Variants in NUP205 observed in about 807,000 individuals in gnomAD.
NUP205 encodes nuclear pore complex protein Nup205.
A neutral mutation model predicts 253.8 loss-of-function variants in NUP205; 76 were observed. The observed-to-expected ratio is 0.30, with a 90% confidence interval of 0.25 to 0.36. The LOEUF is 0.36. Ranked by LOEUF, NUP205 falls within the 10% of genes least tolerant of loss-of-function variation. NUP205 has a pLI of 1.00. For missense variants in NUP205, 2,162 were observed against 2,425.5 expected (o/e 0.89, Z 2.28); for synonymous variants, 832 against 850.1 (o/e 0.98, Z 0.37).
At chr7:135,611,574 T>C (rs1179262462) in intron 22 of NUP205, among the ~76,000 whole-genome samples, 2 of 152,222 alleles carry the variant, frequency 1.3e-5, no homozygotes, top group South Asian at 4.1e-4. Flanking sequence ...ACATGAAATT[T>C]TGTGTCTTTT....
intron 34 of NUP205, among the ~76,000 whole-genome samples, chr7:135,629,529 C>CTT (rs767221141): frequency 1.6e-4 from 20 of 127,524 alleles, no homozygotes; most frequent in Admixed American, 3.2e-4. Context: ...CTCTGTCTCT[C>CTT]TTTTTTTTTT....
intron 35 of NUP205, 70 bp from the exon 36 acceptor site, chr7:135,635,511 C>G (rs1243604539): frequency 1.9e-5 from 16 of 861,756 alleles, no homozygotes; most frequent in Non-Finnish European, 2.6e-5. Context: ...AATATTAGAA[C>G]CTCTCTTCCT....
chr7:135,607,388 G>T lies in NUP205; in HGVS notation c.3195+17G>T. ...TGTTACCAGGTACACAGAAAACTGC[G>T]TTTTGTGGTACTGAATAGAAGAAAC... On this transcript the variant is annotated intron_variant, in intron 22 of 42. Transcript: ENST00000285968. 1 of 1,611,454 alleles carries T rather than the reference G, an allele frequency of 6.2e-7. No homozygotes were observed. The highest frequency in any genetic ancestry group is 1.1e-5 in the South Asian group (1 of 90,804).
intron 38 of NUP205, among the ~76,000 whole-genome samples, 176 bp from the exon 39 acceptor site, chr7:135,643,016 C>T (rs569959164): frequency 2.0e-5 from 3 of 152,208 alleles, no homozygotes; most frequent in East Asian, 1.9e-4. Flanking sequence ...TACAGTGGCT[C>T]CTAACCATTT....
In NUP205 at chr7:135,635,643, A is replaced by C; in HGVS notation, c.5122A>C (p.Ile1708Leu). Reference sequence around the variant, plus strand: ...GTCTCTAATGGAGCTACAGGGACATATTGGAAGATTCCAGGTAACTGATTC... The same window carrying C: ...GTCTCTAATGGAGCTACAGGGACATCTTGGAAGATTCCAGGTAACTGATTC... ...EGSLMELQGH[I>L]GRFQRQCLGL... is the part of the protein sequence containing the mutation. The change falls in exon 36 of 43, where the codon ATT (isoleucine) becomes CTT (leucine). Residue 1708 changes from isoleucine to leucine, a missense_variant. Transcript: ENST00000285968. The C allele has an allele frequency of 2.5e-6, 4 of 1,579,424 alleles. No homozygotes were observed. Among genetic ancestry groups the C allele is most frequent in the Non-Finnish European group, 3.5e-6 (4 of 1,152,398 alleles).
rs143069117 is a variant in NUP205, at chr7:135,625,259, C to A, written c.4575C>A (p.Leu1525=). 1.2e-6 allele frequency: 2 copies of A among 1,614,118 alleles called. No homozygotes were observed. Among genetic ancestry groups the A allele is most frequent in the Non-Finnish European group, 1.7e-6 (2 of 1,180,002 alleles). The change falls in exon 32 of 43, where the codon CTC becomes CTA. Residue 1525 remains leucine, a synonymous_variant. Coordinates refer to ENST00000285968, the MANE Select transcript of NUP205 (RefSeq NM_015135.3). ...CTAACAGTGGCTACTTGAAGGTCCT[C>A]GTAGACAGCTTGGTAGAAGATGACC... The part of the protein sequence containing the change: ...YLSNSGYLKV[L]VDSLVEDDRT...
In NUP205 at chr7:135,577,941, A is replaced by G. The variant is rs1806195742; in HGVS notation, c.794A>G (p.Asp265Gly). The change falls in exon 6 of 43, where the codon GAT becomes GGT. Residue 265 changes from aspartate to glycine, a missense_variant. This residue lies in a region of NUP205 where 892 missense variants were observed against 957.1 expected (regional missense o/e 0.93). Coordinates refer to ENST00000285968, the MANE Select transcript of NUP205 (RefSeq NM_015135.3). ...ACAGTTGAGGCTAATGGCTCACTGGATGCAGTGAATCTGGCTCTTCTTATG... is the reference window on the plus strand; with the variant it reads ...ACAGTTGAGGCTAATGGCTCACTGGGTGCAGTGAATCTGGCTCTTCTTATG... ...RVTVEANGSL[D>G]AVNLALLMAL... 1.2e-6 allele frequency: 2 copies of G among 1,614,098 alleles called. No individual in the cohort carries two copies. Among genetic ancestry groups the G allele is most frequent in the Non-Finnish European group, 1.7e-6 (2 of 1,179,966 alleles).
rs755809128 is a variant in NUP205, at chr7:135,561,917, C to CTCCTTCCTTCCTTCCTTCCT, written c.28+3949_28+3968dup. 4.7e-5 allele frequency among the ~76,000 whole-genome samples: 7 copies of CTCCTTCCTTCCTTCCTTCCT among 147,672 alleles called. No individual in the cohort carries two copies. In the East Asian group the frequency reaches 1.2e-3, roughly 26 times the overall value. ...CTTCCTTTGTTCCTTCCTTCCTTCC[C>CTCCTTCCTTCCTTCCTTCCT]TCCTTCCTTCCTTCCTTCCTTCCCT... is the stretch of plus-strand genomic sequence containing the variant. On this transcript the variant is annotated intron_variant, in intron 1 of 42. Transcript: ENST00000285968.
At chr7:135,578,333 C>T (rs1806210970) in intron 6 of NUP205, among the ~76,000 whole-genome samples, 2 of 152,148 alleles carry the variant, frequency 1.3e-5, no homozygotes, top group Admixed American at 6.6e-5. Flanking sequence ...CATTTTCAAA[C>T]TTTTTATTAA....
At chr7:135,600,142 A>G (rs1334781047) in intron 15 of NUP205, among the ~76,000 whole-genome samples, 1 of 152,190 alleles carries the variant, frequency 6.6e-6, no homozygotes, top group Non-Finnish European at 1.5e-5. Context: ...AGTCTTATTA[A>G]AATTCTATGT....
At chr7:135,561,237 G>A (rs776961510) in intron 1 of NUP205, among the ~76,000 whole-genome samples, 5 of 152,042 alleles carry the variant, frequency 3.3e-5, no homozygotes, top group Non-Finnish European at 5.9e-5. Flanking sequence ...CCAGCTACTC[G>A]GGAGGCTGAG....
intron 38 of NUP205, among the ~76,000 whole-genome samples, chr7:135,640,301 A>G (rs1285734454): frequency 1.3e-5 from 2 of 152,228 alleles, no homozygotes; most frequent in African/African-American, 2.4e-5. Flanking sequence ...TTTGTTAGAT[A>G]AATTCTATTA....
At position 135,570,100 on chromosome 7, in the gene NUP205, G is replaced by A. The variant is rs550328560; in HGVS notation, c.29-1005G>A. ...AGAGAGAGAGAGAGAGAGAGAAACT[G>A]AAGTTTAAAGAGGTTATTTCCCTTG... On this transcript the variant is annotated intron_variant, in intron 1 of 42. Coordinates refer to ENST00000285968, the MANE Select transcript of NUP205 (RefSeq NM_015135.3). Among the ~76,000 whole-genome samples, 3 of 146,724 alleles carry A rather than the reference G, an allele frequency of 2.0e-5. No homozygotes were observed. The South Asian group carries it at 6.5e-4, about 32-fold the overall frequency.
chr7:135,642,137 C>T lies in NUP205; in HGVS notation c.5393-1055C>T, dbSNP rs111434017. Among the ~76,000 whole-genome samples the T allele has an allele frequency of 5.5e-3, 844 of 152,152 alleles. 13 individuals are homozygous for T. Among genetic ancestry groups the T allele is most frequent in the East Asian group, 0.051 (261 of 5,162 alleles). ...GGGTGTGGTGGCATGCGCCTGTAATCCCAGCTACTCGGGAGGCTGAGGCAG... is the reference window on the plus strand; with the variant it reads ...GGGTGTGGTGGCATGCGCCTGTAATTCCAGCTACTCGGGAGGCTGAGGCAG... On this transcript the variant is annotated intron_variant, in intron 38 of 42. Coordinates refer to ENST00000285968, the MANE Select transcript of NUP205 (RefSeq NM_015135.3).
At position 135,641,991 on chromosome 7, in the gene NUP205, G is replaced by A. The variant is rs112272346; in HGVS notation, c.5393-1201G>A. ...AGTGTTGGGCCAGGTGTGGTGGCTC[G>A]TGCCTGTAATCCCAGCACTTTGGGA... On this transcript the variant is annotated intron_variant, in intron 38 of 42. Transcript: ENST00000285968. 5.6e-3 allele frequency among the ~76,000 whole-genome samples: 846 copies of A among 151,270 alleles called. 14 individuals carry two copies. Among genetic ancestry groups the A allele is most frequent in the East Asian group, 0.051 (261 of 5,068 alleles).
chr7:135,596,279 G>A (rs73725161), intron 13 of NUP205, among the ~76,000 whole-genome samples: 11,440 of 152,236 alleles, frequency 0.075, 568 homozygotes, highest in South Asian at 0.16. Flanking sequence ...ATTATTTTCT[G>A]ACATACATAT....
In NUP205 at chr7:135,643,195, C is replaced by G. The variant is rs778364073; in HGVS notation, c.5396C>G (p.Thr1799Ser). Residue 1799 changes from threonine (T) to serine (S), a missense_variant, in exon 39 of 43, where the codon ACC becomes AGC. By Grantham distance (58) the Thr-to-Ser change is moderately conservative (BLOSUM62 1). Coordinates refer to ENST00000285968, the MANE Select transcript of NUP205 (RefSeq NM_015135.3). Reference sequence around the variant, plus strand: ...TTTATGTCATCACCTCTATTAGATACCCAAGCTCCAGTGGTTCCATACTGG... The same window carrying G: ...TTTATGTCATCACCTCTATTAGATAGCCAAGCTCCAGTGGTTCCATACTGG... ...TVNRDGPRQD[T>S]QAPVVPYWRL... The G allele has an allele frequency of 1.2e-6, 2 of 1,613,394 alleles. No individual in the cohort carries two copies. The highest frequency in any genetic ancestry group is 1.7e-6 in the Non-Finnish European group (2 of 1,179,618).
intron 32 of NUP205, 109 bp downstream of exon 32, chr7:135,625,464 G>C: frequency 2.5e-6 from 2 of 811,752 alleles, no homozygotes; most frequent in Non-Finnish European, 3.7e-6. Flanking sequence ...TCTATCATAA[G>C]CTGGAATCCT....
At chr7:135,570,029 TTATATATATATA>T (rs145414092) in intron 1 of NUP205, among the ~76,000 whole-genome samples, 4 of 98,592 alleles carry the variant, frequency 4.1e-5, no homozygotes, top group Non-Finnish European at 7.6e-5. Context: ...TGTTTATGTT[TTATATATATATA>T]TATATATATA....
Sources: allele counts gnomAD v4.1 joint callset (sites outside exome capture counted in the v4.1 genomes callset), GRCh38; gene constraint gnomAD v4.1.1; regional missense constraint gnomAD v4.1.1; transcripts MANE v1.5; gene names NCBI Gene and HGNC (gene_info 2026-07-23, HGNC 2026-07-21).